Variants in PMFBP1 observed in about 807,000 individuals in gnomAD.
PMFBP1 encodes the protein polyamine-modulated factor 1-binding protein 1.
Under a neutral mutation model 137.8 loss-of-function variants are expected in PMFBP1, and 131 were observed. That is an observed-to-expected ratio of 0.95 (90% CI 0.82 to 1.10). The LOEUF (loss-of-function observed/expected upper bound fraction) is 1.10, where lower values mean the gene tolerates loss of function less well. Ranked by LOEUF, PMFBP1 falls within the 50% of genes least tolerant of loss-of-function variation. PMFBP1 has a pLI of 0.00. For synonymous variants in PMFBP1, 490 were observed against 450.4 expected (o/e 1.09, Z -1.11); for missense variants, 1,199 against 1,175.4 (o/e 1.02, Z -0.29).
At chr16:72,140,709 T>C (rs1198696090) in intron 5 of PMFBP1, 127 bp from the exon 6 acceptor site, 2 of 903,914 alleles carry the variant, frequency 2.2e-6, no homozygotes, top group Non-Finnish European at 3.3e-6. Flanking sequence ...AAATCATGGT[T>C]TCCTTAACAA....
intron 14 of PMFBP1, among the ~76,000 whole-genome samples, chr16:72,127,717 A>G (rs930059493): frequency 6.6e-6 from 1 of 152,350 alleles, no homozygotes; most frequent in South Asian, 2.1e-4. Context: ...TATTAGGTCT[A>G]GATGGTTTTA....
intron 19 of PMFBP1, among the ~76,000 whole-genome samples, chr16:72,122,150 T>C (rs1040303854): frequency 2.0e-5 from 3 of 152,240 alleles, no homozygotes; most frequent in Non-Finnish European, 4.4e-5. Context: ...CATGTGGTAC[T>C]TGGTTTTCTA....
At chr16:72,197,015 C>T in the PMFBP1 span, among the ~76,000 whole-genome samples, 1 of 152,200 alleles carries the variant, frequency 6.6e-6, no homozygotes, top group Admixed American at 6.5e-5. Flanking sequence ...TGGGAACATG[C>T]ATTTTAAACA....
intron 3 of PMFBP1, among the ~76,000 whole-genome samples, chr16:72,160,212 T>C (rs1567639592): frequency 2.6e-5 from 4 of 152,252 alleles, no homozygotes; most frequent in Admixed American, 2.0e-4. Flanking sequence ...TTCCACCCAA[T>C]ACTTTATGCT....
Position 72,119,269 on chromosome 16 carries a change from G to A in PMFBP1, c.*69C>T. The A allele has an allele frequency of 1.3e-6, 2 of 1,521,948 alleles. No homozygotes were observed. Among genetic ancestry groups the A allele is most frequent in the African/African-American group, 1.4e-5 (1 of 72,814 alleles). 94.3% of individuals were successfully genotyped at this position (1,521,948 alleles called of 1,614,324 possible). On this transcript the variant is annotated 3_prime_UTR_variant, in exon 21 of 21. Transcript: ENST00000237353. Reference sequence around the variant, plus strand: ...GAGCTGATCCAGGTCAAGAGAGAGGGAGGGCTGGGAACTCACTGTCCTCTG... The same window carrying A: ...GAGCTGATCCAGGTCAAGAGAGAGGAAGGGCTGGGAACTCACTGTCCTCTG...
At chr16:72,238,774 TTC>T in the PMFBP1 span, among the ~76,000 whole-genome samples, 50 of 152,264 alleles carry the variant, frequency 3.3e-4, no homozygotes, top group African/African-American at 1.2e-3. Flanking sequence ...ATAACAACCA[TTC>T]ACTCTAGTCT....
At chr16:72,225,715 A>AATC in the PMFBP1 span, among the ~76,000 whole-genome samples, 1 of 91,096 alleles carries the variant, frequency 1.1e-5, no homozygotes, top group South Asian at 4.5e-4. Context: ...TGTTTATAAT[A>AATC]ATAATAATAA....
At chr16:72,177,409 C>T (rs1404852826), upstream of PMFBP1, among the ~76,000 whole-genome samples, 2 of 152,152 alleles carry the variant, frequency 1.3e-5, no homozygotes, top group Admixed American at 1.3e-4. Flanking sequence ...TTTTCCCATA[C>T]CTCTTTTAAC....
At chr16:72,155,037 GTA>G (rs2042961258) in intron 3 of PMFBP1, among the ~76,000 whole-genome samples, 1 of 152,076 alleles carries the variant, frequency 6.6e-6, no homozygotes, top group Non-Finnish European at 1.5e-5. Context: ...GTGTGTGTGT[GTA>G]TGTGTGTGTG....
chr16:72,219,322 A>G, the PMFBP1 span, among the ~76,000 whole-genome samples: 1 of 152,182 alleles, frequency 6.6e-6, no homozygotes, highest in Non-Finnish European at 1.5e-5. Context: ...GCACATAGGG[A>G]AAGACAGCAG....
chr16:72,145,231 T>C (rs2042787162), intron 5 of PMFBP1, among the ~76,000 whole-genome samples: 1 of 152,088 alleles, frequency 6.6e-6, no homozygotes, highest in Non-Finnish European at 1.5e-5. Context: ...AGAAACTCAC[T>C]CAAAACCGCA....
the PMFBP1 span, among the ~76,000 whole-genome samples, chr16:72,249,903 A>G: frequency 1.5e-5 from 2 of 136,538 alleles, no homozygotes; most frequent in South Asian, 2.6e-4. Context: ...CCTGGGTGAC[A>G]CAGCGAGACT....
chr16:72,126,081 C>T lies in PMFBP1; in HGVS notation c.2140G>A (p.Ala714Thr), dbSNP rs777640666. The T allele has an allele frequency of 6.2e-7, 1 of 1,614,204 alleles. No homozygotes were observed. Among genetic ancestry groups the T allele is most frequent in the Non-Finnish European group, 8.5e-7 (1 of 1,180,032 alleles). The change falls in exon 15 of 21, where the codon GCT becomes ACT. Residue 714 changes from alanine to threonine, a missense_variant. Ala to Thr is a moderately conservative substitution (Grantham distance 58). Coordinates refer to ENST00000237353, the MANE Select transcript of PMFBP1 (RefSeq NM_031293.3). ...LMSLQAQLDK[A>T]LQKEKHYLQT... ...AGATAGTGCTTCTCCTTCTGCAGAG[C>T]TTTGTCCAGCTGGGCCTGCAGGCTC...
intron 5 of PMFBP1, among the ~76,000 whole-genome samples, chr16:72,141,152 G>A (rs570720816): frequency 6.6e-6 from 1 of 152,002 alleles, no homozygotes; most frequent in African/African-American, 2.4e-5. Context: ...GGCCAGGCAG[G>A]TCTCAAACTG....
In PMFBP1 at chr16:72,125,336, G is replaced by C. The variant is rs986288788; in HGVS notation, c.2323C>G (p.Gln775Glu). The C allele has an allele frequency of 6.2e-7, 1 of 1,614,146 alleles. No homozygotes were observed. Among genetic ancestry groups the C allele is most frequent in the African/African-American group, 1.3e-5 (1 of 75,028 alleles). ...TAAGCAATGATTTCCTCTTCCAGCT[G>C]AGCTTTCTTCTCTTGGGTCTGTGTC... is the stretch of plus-strand genomic sequence containing the variant. The part of the protein sequence containing the change: ...SLTQTQEKKA[Q>E]LEEEIIAYEE... Residue 775 changes from glutamine to glutamate, a missense_variant, in exon 16 of 21, where the codon CAG becomes GAG. Physicochemically the swap from Gln to Glu is conservative, Grantham distance 29. Transcript: ENST00000237353.
the PMFBP1 span, among the ~76,000 whole-genome samples, chr16:72,186,848 C>T: frequency 6.6e-6 from 1 of 151,906 alleles, no homozygotes; most frequent in South Asian, 2.1e-4. Context: ...CGAGGTGGCT[C>T]ACATCTGTAA....
At chr16:72,222,577 T>C in the PMFBP1 span, among the ~76,000 whole-genome samples, 1 of 152,106 alleles carries the variant, frequency 6.6e-6, no homozygotes, top group South Asian at 2.1e-4. Flanking sequence ...ACAAAGACTG[T>C]GCCCATCCCT....
rs374783764 is a variant in PMFBP1, at chr16:72,154,474, G to C, written c.166-15C>G. On this transcript the variant is annotated splice_polypyrimidine_tract_variant and intron_variant, in intron 3 of 20. Coordinates refer to ENST00000237353, the MANE Select transcript of PMFBP1 (RefSeq NM_031293.3). ...TGCTTCTTGTCCTACCATAGAGACA[G>C]GATATACAAAAAAGGCTTTAGATCA... 6.2e-7 allele frequency: 1 copy of C among 1,609,156 alleles called. No homozygotes were observed.
At chr16:72,217,232 A>G in the PMFBP1 span, among the ~76,000 whole-genome samples, 2 of 152,158 alleles carry the variant, frequency 1.3e-5, no homozygotes, top group Non-Finnish European at 2.9e-5. Flanking sequence ...ATGCATATGT[A>G]CTTGAATTTA....
Sources: gnomAD v4.1 joint callset for allele counts (sites outside exome capture counted in the v4.1 genomes callset) on GRCh38, gnomAD v4.1.1 for gene constraint, MANE v1.5 for transcripts, NCBI Gene and HGNC (gene_info 2026-07-23, HGNC 2026-07-21) for gene names.